NR1H2: variants seen among roughly 807,000 people sequenced by gnomAD.
NR1H2 encodes the protein nuclear receptor subfamily 1 group H member 2.
NR1H2 carries 33 observed loss-of-function variants against 51.2 expected under a neutral mutation model. The observed-to-expected ratio is 0.64, with a 90% CI of 0.49 to 0.86. The LOEUF is 0.86. Ranked by LOEUF, NR1H2 falls within the 40% of genes least tolerant of loss-of-function variation. The pLI is 0.00. For missense variants in NR1H2, 592 were observed against 639.9 expected, an observed-to-expected ratio of 0.93 and a Z score of 0.81; for synonymous variants, 310 against 264.3, an observed-to-expected ratio of 1.17 and a Z score of -1.68.
chr19:50,382,097 G>C lies in NR1H2; in HGVS notation c.1159G>C (p.Glu387Gln). The C allele has an allele frequency of 1.9e-6, 3 of 1,548,224 alleles. No homozygotes were observed. The South Asian group carries it at 3.6e-5, about 18-fold the overall frequency. ...CTCGGCCGACCGGCCCAACGTGCAG[G>C]AGCCGGGCCGCGTGGAGGCGTTGCA... ...IFSADRPNVQ[E>Q]PGRVEALQQP... is the part of the protein sequence containing the mutation. The change falls in exon 9 of 10, where the codon GAG (glutamate) becomes CAG (glutamine). Residue 387 changes from glutamate (E) to glutamine (Q), a missense_variant. Around this residue, in one of 3 missense-constraint regions of NR1H2, gnomAD observed 174 missense variants for 174.0 expected, o/e 1.00. Transcript: ENST00000253727.
At chr19:50,382,267 C>A in intron 9 of NR1H2, 93 bp downstream of exon 9, 1 of 1,359,234 alleles carries the variant, frequency 7.4e-7, no homozygotes, top group Admixed American at 2.4e-5. Flanking sequence ...CACTGCCCTC[C>A]CCTCCGCAGA....
intron 8 of NR1H2, among the ~76,000 whole-genome samples, chr19:50,380,159 A>G (rs188629045): frequency 1.3e-5 from 2 of 151,762 alleles, no homozygotes; most frequent in Non-Finnish European, 2.9e-5. Context: ...CCGTGTCTCT[A>G]TTTTTTAAAA....
intron 3 of NR1H2, 21 bp from the exon 4 acceptor site, chr19:50,377,712 C>T: frequency 6.2e-7 from 1 of 1,603,478 alleles, no homozygotes; most frequent in Admixed American, 1.7e-5. Context: ...TGTACCTCTC[C>T]CGGATTCCAC....
intron 6 of NR1H2, 54 bp from the exon 7 acceptor site, chr19:50,378,948 C>T (rs2037719149): frequency 2.6e-6 from 4 of 1,558,260 alleles, no homozygotes; most frequent in Middle Eastern, 1.9e-4. Flanking sequence ...AAGGTGGCCA[C>T]CCAGACTTAG....
chr19:50,378,228 C>G lies in NR1H2; in HGVS notation c.261C>G (p.Cys87Trp). ...CGAAGATGCTGGGCCACGAGCTTTG[C>G]CGTGTCTGTGGGGACAAGGCCTCCG... Reference protein sequence around the residue: ...PAPKMLGHELCRVCGDKASGF... With the variant: ...PAPKMLGHELWRVCGDKASGF... The change falls in exon 5 of 10, where the codon TGC becomes TGG. Residue 87 changes from cysteine to tryptophan, a missense_variant. Transcript: ENST00000253727. 6.2e-7 allele frequency: 1 copy of G among 1,613,530 alleles called. No homozygotes were observed. Among genetic ancestry groups the G allele is most frequent in the Non-Finnish European group, 8.5e-7 (1 of 1,180,034 alleles).
Position 50,378,346 on chromosome 19 carries a change from G to A in NR1H2, c.379G>A (p.Gly127Ser), listed in dbSNP as rs779934863. ...RGGARRYACR[G>S]GGTCQMDAFM... Reference sequence around the variant, plus strand: ...TGGGGCCAGGCGCTATGCCTGCCGGGGTGGCGGAACCTGCCAGATGGACGC... The same window carrying A: ...TGGGGCCAGGCGCTATGCCTGCCGGAGTGGCGGAACCTGCCAGATGGACGC... Residue 127 changes from glycine to serine, a missense_variant, in exon 5 of 10, where the codon GGT becomes AGT. This residue lies in a region of NR1H2 where 316 missense variants were observed against 313.4 expected (regional missense o/e 1.01). Transcript: ENST00000253727. 6.2e-7 allele frequency: 1 copy of A among 1,612,338 alleles called. No individual in the cohort carries two copies. The highest frequency in any genetic ancestry group is 1.7e-5 in the Admixed American group (1 of 60,002).
chr19:50,381,361 A>G (rs999017649), intron 8 of NR1H2, among the ~76,000 whole-genome samples: 1 of 152,206 alleles, frequency 6.6e-6, no homozygotes, highest in Non-Finnish European at 1.5e-5. Flanking sequence ...CGCCTTGTGT[A>G]AAATAGAACC....
chr19:50,377,466 T>G, intron 2 of NR1H2, 121 bp from the exon 3 acceptor site: 2 of 702,498 alleles, frequency 2.8e-6, no homozygotes, highest in Non-Finnish European at 4.7e-6. Flanking sequence ...ACCAGGGTTG[T>G]GGCTGAGAGT....
intron 9 of NR1H2, 61 bp from the exon 10 acceptor site, chr19:50,382,395 G>A: frequency 6.5e-7 from 1 of 1,530,326 alleles, no homozygotes. Flanking sequence ...CTGTTGGGGT[G>A]GGCCTCCCAA....
intron 8 of NR1H2, among the ~76,000 whole-genome samples, chr19:50,381,682 G>A (rs1401965093): frequency 6.6e-6 from 1 of 150,954 alleles, no homozygotes; most frequent in African/African-American, 2.5e-5. Context: ...ATAGGGACTC[G>A]GGAAGCTGCA....
rs745966831 is a variant in NR1H2, at chr19:50,377,812, T to C, written c.123T>C (p.Gly41=). Residue 41 remains glycine, a synonymous_variant, in exon 4 of 10, where the codon GGT becomes GGC. Coordinates refer to ENST00000253727, the MANE Select transcript of NR1H2 (RefSeq NM_007121.7). ...KEEGPEPWPG[G]PDPDVPGTDE... is the part of the protein sequence containing the mutation. ...AGGGTCCGGAGCCGTGGCCCGGGGG[T>C]CCGGACCCTGATGTCCCAGGCACTG... 4.0e-5 allele frequency: 64 copies of C among 1,608,048 alleles called. No individual in the cohort carries two copies. Among genetic ancestry groups the C allele is most frequent in the Non-Finnish European group, 5.2e-5 (61 of 1,177,840 alleles).
At chr19:50,377,411 G>A (rs935131329) in intron 2 of NR1H2, 176 bp from the exon 3 acceptor site, 5 of 546,010 alleles carry the variant, frequency 9.2e-6, no homozygotes, top group Non-Finnish European at 1.6e-5. Flanking sequence ...ACAGAAGGGG[G>A]CAGGTCTTGT....
In NR1H2 at chr19:50,383,328, C is replaced by G. The variant is rs1265260404; in HGVS notation, c.*726C>G. Among the ~76,000 whole-genome samples the G allele has an allele frequency of 1.3e-5, 2 of 152,252 alleles. No individual in the cohort carries two copies. Among genetic ancestry groups the G allele is most frequent in the African/African-American group, 2.4e-5 (1 of 41,466 alleles). On this transcript the variant is annotated 3_prime_UTR_variant, in exon 10 of 10. Coordinates refer to ENST00000253727, the MANE Select transcript of NR1H2 (RefSeq NM_007121.7). ...TTGCTGAGGCCTCCTGTGGGCCAGG[C>G]ACTGGGTTGGCCATTCTAGAGATGG...
chr19:50,377,499 A>G (rs2037685991), intron 2 of NR1H2, 88 bp from the exon 3 acceptor site: 1 of 1,064,346 alleles, frequency 9.4e-7, no homozygotes, highest in African/African-American at 1.6e-5. Flanking sequence ...GAGATGGAAA[A>G]AAAAGGGAAA....
rs375330814 is a variant in NR1H2 at position 50,377,815 on chromosome 19, G to T, written c.126G>T (p.Pro42=). The T allele has an allele frequency of 4.2e-5, 68 of 1,608,722 alleles. No individual in the cohort carries two copies. Among genetic ancestry groups the T allele is most frequent in the Non-Finnish European group, 5.6e-5 (66 of 1,177,978 alleles). The change falls in exon 4 of 10, where the codon CCG becomes CCT. Residue 42 remains proline, a synonymous_variant. Transcript: ENST00000253727. ...GTCCGGAGCCGTGGCCCGGGGGTCC[G>T]GACCCTGATGTCCCAGGCACTGATG... ...EEGPEPWPGG[P]DPDVPGTDEA... is the part of the protein sequence containing the mutation.
At position 50,383,082 on chromosome 19, in the gene NR1H2, C is replaced by T. The variant is rs1601147669; in HGVS notation, c.*480C>T. 1 of 152,902 alleles carries T rather than the reference C, an allele frequency of 6.5e-6. No individual in the cohort carries two copies. Among genetic ancestry groups the T allele is most frequent in the East Asian group, 1.9e-4 (1 of 5,200 alleles). 9.5% of individuals were successfully genotyped at this position (152,902 alleles called of 1,614,324 possible). ...CCTCAGTGACACTGGGTGCCCGAAC[C>T]TGATTGAGCAGGTGGGACTGGGTGT... On this transcript the variant is annotated 3_prime_UTR_variant, in exon 10 of 10. Coordinates refer to ENST00000253727, the MANE Select transcript of NR1H2 (RefSeq NM_007121.7).
intron 4 of NR1H2, 33 bp downstream of exon 4, chr19:50,377,903 T>C (rs747044729): frequency 1.9e-5 from 29 of 1,519,240 alleles, no homozygotes; most frequent in Non-Finnish European, 2.4e-5. Context: ...ATGTGGGGGC[T>C]TGGGGAGGGG....
intron 2 of NR1H2, 79 bp from the exon 3 acceptor site, chr19:50,377,508 A>C (rs994285276): frequency 6.8e-5 from 76 of 1,123,830 alleles, no homozygotes; most frequent in Non-Finnish European, 8.8e-5. Flanking sequence ...AAAAAAGGGA[A>C]AGCCCTGTCA....
In NR1H2 at chr19:50,378,518, A is replaced by C. The variant is rs767381617; in HGVS notation, c.473-4A>C. On this transcript the variant is annotated splice_polypyrimidine_tract_variant and splice_region_variant and intron_variant, in intron 5 of 9. Transcript: ENST00000253727. ...GTTCTGCTGAGGCCTGCATCCCCCT[A>C]CAGGCGTCCTTTCTGAAGAACAGAT... 2.5e-6 allele frequency: 4 copies of C among 1,604,224 alleles called. No homozygotes were observed. Among genetic ancestry groups the C allele is most frequent in the Admixed American group, 3.4e-5 (2 of 59,582 alleles).
Sources: gnomAD v4.1 joint callset for allele counts (sites outside exome capture counted in the v4.1 genomes callset) on GRCh38, gnomAD v4.1.1 for gene constraint, gnomAD v4.1.1 regional missense constraint, MANE v1.5 for transcripts, NCBI Gene and HGNC (gene_info 2026-07-23, HGNC 2026-07-21) for gene names.